SCMH1: variants seen among roughly 807,000 people sequenced by gnomAD.
The protein encoded by SCMH1 is polycomb protein SCMH1.
Under a neutral mutation model 70.8 loss-of-function variants are expected in SCMH1, and 37 were observed. That is an observed-to-expected ratio of 0.52 (90% CI 0.40 to 0.69). The LOEUF (loss-of-function observed/expected upper bound fraction) is 0.69, where lower values mean the gene tolerates loss of function less well. SCMH1 is among the 30% of genes least tolerant of loss of function. SCMH1 has a pLI of 0.00. For synonymous variants in SCMH1, 292 were observed against 307.4 expected, an observed-to-expected ratio of 0.95 and a Z score of 0.52; for missense variants, 607 against 827.3, an observed-to-expected ratio of 0.73 and a Z score of 3.27.
At chr1:41,168,345 C>T (rs537510904) in intron 2 of SCMH1, among the ~76,000 whole-genome samples, 2 of 152,072 alleles carry the variant, frequency 1.3e-5, no homozygotes, top group South Asian at 2.1e-4. Flanking sequence ...TTTCTTTTTG[C>T]TCAGATTGGA....
chr1:41,184,028 G>A (rs1373411787), intron 2 of SCMH1, among the ~76,000 whole-genome samples: 1 of 152,126 alleles, frequency 6.6e-6, no homozygotes, highest in East Asian at 1.9e-4. Context: ...GGTGATGGGT[G>A]CACAACAATG....
At chr1:41,028,314 G>C in exon 15 of SCMH1, 1 of 1,570,644 alleles carries the variant, frequency 6.4e-7, no homozygotes, top group Non-Finnish European at 8.7e-7. Flanking sequence ...CCTTGCCATC[G>C]ATCTCCTGGG....
chr1:41,129,186 A>AT (rs980800643), intron 6 of SCMH1, among the ~76,000 whole-genome samples: 2 of 151,794 alleles, frequency 1.3e-5, no homozygotes, highest in Admixed American at 6.6e-5. Flanking sequence ...ATGCCTGGTA[A>AT]TTTTTTTTGT....
chr1:41,100,233 C>G (rs1364429409), intron 8 of SCMH1, among the ~76,000 whole-genome samples: 1 of 151,984 alleles, frequency 6.6e-6, no homozygotes, highest in Non-Finnish European at 1.5e-5. Context: ...TTATCAAAAC[C>G]CGGGTATGGT....
At chr1:41,051,663 GT>G (rs1345104370) in intron 10 of SCMH1, among the ~76,000 whole-genome samples, 1 of 151,854 alleles carries the variant, frequency 6.6e-6, no homozygotes, top group Non-Finnish European at 1.5e-5. Context: ...AAATCTAGAA[GT>G]TTTTTAAATA....
intron 1 of SCMH1, among the ~76,000 whole-genome samples, chr1:41,220,582 G>A (rs916444481): frequency 2.6e-5 from 4 of 152,186 alleles, no homozygotes; most frequent in South Asian, 2.1e-4. Context: ...GATAGGAAAC[G>A]AGGGGCAGAT....
chr1:41,209,278 A>C (rs576168754), intron 1 of SCMH1, among the ~76,000 whole-genome samples: 48 of 152,232 alleles, frequency 3.2e-4, no homozygotes, highest in Non-Finnish European at 6.6e-4. Context: ...GTTGAACTCT[A>C]CCAGAGGTAC....
intron 1 of SCMH1, among the ~76,000 whole-genome samples, chr1:41,228,437 T>C (rs1660675192): frequency 2.0e-5 from 3 of 152,066 alleles, no homozygotes; most frequent in African/African-American, 4.8e-5. Context: ...AATTAAAAAA[T>C]AATTAAAGAA....
chr1:41,152,858 T>C, intron 4 of SCMH1: 2 of 1,012,112 alleles, frequency 2.0e-6, no homozygotes, highest in Non-Finnish European at 2.8e-6. Flanking sequence ...CCTTTCCCAC[T>C]ACCCTTAACT....
chr1:41,238,796 CCT>C (rs1662903184), intron 1 of SCMH1, among the ~76,000 whole-genome samples: 1 of 152,194 alleles, frequency 6.6e-6, no homozygotes, highest in African/African-American at 2.4e-5. Flanking sequence ...TCTGACCACA[CCT>C]CTTTTTTTTC....
At chr1:41,171,311 T>C (rs181475775) in intron 2 of SCMH1, among the ~76,000 whole-genome samples, 7 of 152,320 alleles carry the variant, frequency 4.6e-5, no homozygotes, top group Admixed American at 1.3e-4. Context: ...CTTCCCTGCA[T>C]GCAATTCTAC....
chr1:41,239,933 C>G (rs1663173242), intron 1 of SCMH1, among the ~76,000 whole-genome samples: 1 of 152,166 alleles, frequency 6.6e-6, no homozygotes, highest in Admixed American at 6.5e-5. Flanking sequence ...CTGCATCCAG[C>G]CCTAAGTTTA....
intron 2 of SCMH1, among the ~76,000 whole-genome samples, chr1:41,170,642 C>T (rs377264784): frequency 2.6e-4 from 40 of 152,116 alleles, no homozygotes; most frequent in African/African-American, 9.4e-4. Flanking sequence ...ATAAACAAAA[C>T]CTCATATCCT....
intron 5 of SCMH1, among the ~76,000 whole-genome samples, chr1:41,145,278 C>CT (rs1214678548): frequency 2.6e-5 from 4 of 152,000 alleles, no homozygotes; most frequent in Non-Finnish European, 4.4e-5. Context: ...TCCAACTTCA[C>CT]TTTTTTTTAT....
At chr1:41,181,523 CA>C (rs1486736116) in intron 2 of SCMH1, among the ~76,000 whole-genome samples, 1 of 152,142 alleles carries the variant, frequency 6.6e-6, no homozygotes, top group Admixed American at 6.5e-5. Flanking sequence ...ACAACCCCAT[CA>C]AAAAGTGGGC....
chr1:41,047,326 A>G (rs1045749050), intron 11 of SCMH1, among the ~76,000 whole-genome samples: 2 of 151,968 alleles, frequency 1.3e-5, no homozygotes, highest in Non-Finnish European at 2.9e-5. Context: ...GAAACAAAGA[A>G]GAGACCAGGG....
intron 5 of SCMH1, among the ~76,000 whole-genome samples, chr1:41,145,926 T>C (rs1644511960): frequency 6.6e-6 from 1 of 152,184 alleles, no homozygotes; most frequent in Admixed American, 6.5e-5. Context: ...CAATTGACTA[T>C]GTTACTGGTT....
At chr1:41,134,132 C>A (rs568055540) in intron 6 of SCMH1, among the ~76,000 whole-genome samples, 1 of 152,218 alleles carries the variant, frequency 6.6e-6, no homozygotes, top group African/African-American at 2.4e-5. Flanking sequence ...GTTCAACATA[C>A]GCAAATCAAT....
chr1:41,202,749 GAAGGT>G (rs1316940080), intron 1 of SCMH1, among the ~76,000 whole-genome samples: 1 of 152,094 alleles, frequency 6.6e-6, no homozygotes, highest in Non-Finnish European at 1.5e-5. Flanking sequence ...TCCACTGGAT[GAAGGT>G]GTTTCAGAAT....
Sources: allele counts gnomAD v4.1 joint callset (sites outside exome capture counted in the v4.1 genomes callset), GRCh38; gene constraint gnomAD v4.1.1; transcripts MANE v1.5; gene names NCBI Gene and HGNC (gene_info 2026-07-23, HGNC 2026-07-21).